Variants in VWA8 observed in about 807,000 individuals in gnomAD.
The protein encoded by VWA8 is von Willebrand factor A domain containing 8, also known as von Willebrand factor A domain-containing protein 8.
VWA8 carries 221 observed loss-of-function variants against 241.5 expected under a neutral mutation model. The observed-to-expected ratio is 0.91, with a 90% confidence interval of 0.82 to 1.02. The LOEUF (loss-of-function observed/expected upper bound fraction) is 1.02. Ranked by LOEUF, VWA8 falls within the 50% of genes least tolerant of loss-of-function variation. VWA8 has a pLI of 0.00. For missense variants in VWA8, 2,322 were observed against 2,328.7 expected (o/e 1.00, Z 0.06); for synonymous variants, 852 against 827.1 (o/e 1.03, Z -0.52).
At chr13:41,758,429 T>TATATATATATAC (rs1371695490) in intron 21 of VWA8, among the ~76,000 whole-genome samples, 1 of 101,490 alleles carries the variant, frequency 9.9e-6, no homozygotes, top group Admixed American at 1.1e-4. Flanking sequence ...TATATATATA[T>TATATATATATAC]ACGCTAGTAT....
intron 2 of VWA8, among the ~76,000 whole-genome samples, chr13:41,917,837 C>G (rs1405465459): frequency 6.6e-6 from 1 of 152,200 alleles, no homozygotes; most frequent in Non-Finnish European, 1.5e-5. Context: ...TTTCATCACC[C>G]CACAAAATAG....
chr13:41,822,488 T>C (rs566521811), intron 14 of VWA8, among the ~76,000 whole-genome samples: 6 of 152,302 alleles, frequency 3.9e-5, no homozygotes, highest in African/African-American at 1.4e-4. Context: ...CAGGGTCTAG[T>C]GTAATACTTG....
In VWA8 at chr13:41,611,621, A is replaced by G. The variant is rs774368910; in HGVS notation, c.4832T>C (p.Val1611Ala). 28 of 1,613,750 alleles carry G rather than the reference A, an allele frequency of 1.7e-5. No individual in the cohort carries two copies. The South Asian group carries it at 2.5e-4, about 15-fold the overall frequency. The change falls in exon 39 of 45, where the codon GTC becomes GCC. Residue 1611 changes from valine (V) to alanine (A), a missense_variant. Val to Ala is a moderately conservative substitution (Grantham distance 64, BLOSUM62 0). Coordinates refer to ENST00000379310, the MANE Select transcript of VWA8 (RefSeq NM_015058.2). ...GCCCATCTCTCTAGCAGCTCTCTTG[A>G]CCTCTTCGGGAACTGCATCTTTCTC... is the stretch of plus-strand genomic sequence containing the variant. ...QAEKDAVPEE[V>A]KRAAREMGQR...
intron 37 of VWA8, among the ~76,000 whole-genome samples, chr13:41,656,800 A>T (rs2044909316): frequency 6.6e-6 from 1 of 152,246 alleles, no homozygotes; most frequent in African/African-American, 2.4e-5. Flanking sequence ...AGGAAAGATC[A>T]TTAGCTATCA....
At chr13:41,778,123 A>AGTTCTAGATCCCTGAGGAATCGCC in intron 19 of VWA8, 67 bp from the exon 20 acceptor site, 2 of 1,151,816 alleles carry the variant, frequency 1.7e-6, no homozygotes, top group Non-Finnish European at 2.5e-6. Flanking sequence ...AGTTAACTAT[A>AGTTCTAGATCCCTGAGGAATCGCC]AAGATATCTT....
At chr13:41,810,088 A>G (rs984101052) in intron 17 of VWA8, among the ~76,000 whole-genome samples, 17 of 152,132 alleles carry the variant, frequency 1.1e-4, no homozygotes, top group Non-Finnish European at 2.4e-4. Flanking sequence ...TATCCAAAAG[A>G]TAGGCAATAA....
chr13:41,751,054 G>A (rs528937446), intron 21 of VWA8, among the ~76,000 whole-genome samples: 51 of 152,044 alleles, frequency 3.4e-4, no homozygotes, highest in Non-Finnish European at 6.6e-4. Context: ...ATCTCATAGA[G>A]CTGTAGTGAG....
At position 41,745,404 on chromosome 13, in the gene VWA8, C is replaced by G. The variant is rs781137870; in HGVS notation, c.2427-13249G>C. On this transcript the variant is annotated intron_variant, in intron 21 of 44. Coordinates refer to ENST00000379310, the MANE Select transcript of VWA8 (RefSeq NM_015058.2). The stretch of plus-strand genomic sequence containing the variant: ...AACATGTGGTGTTTGGTTTTCTGTC[C>G]TTGTGATACATTGCTCACGTACAGA... 8.6e-4 allele frequency among the ~76,000 whole-genome samples: 131 copies of G among 152,124 alleles called. 1 individual carries two copies. Among genetic ancestry groups the G allele is most frequent in the Non-Finnish European group, 1.6e-3 (106 of 67,996 alleles).
intron 43 of VWA8, among the ~76,000 whole-genome samples, chr13:41,573,209 A>G (rs936771334): frequency 6.6e-6 from 1 of 151,574 alleles, no homozygotes; most frequent in Non-Finnish European, 1.5e-5. Flanking sequence ...GGAGCTCAAG[A>G]CCAGCCTGGC....
intron 37 of VWA8, among the ~76,000 whole-genome samples, chr13:41,666,772 AT>A (rs1185912731): frequency 2.6e-5 from 4 of 152,310 alleles, no homozygotes; most frequent in African/African-American, 9.6e-5. Flanking sequence ...CAATAAAAAA[AT>A]AATTACAGGC....
intron 40 of VWA8, among the ~76,000 whole-genome samples, chr13:41,591,558 C>A (rs1402270473): frequency 6.6e-6 from 1 of 151,986 alleles, no homozygotes; most frequent in African/African-American, 2.4e-5. Context: ...ATTTTCGCAA[C>A]CTACTCATCT....
chr13:41,873,741 A>T (rs898558075), intron 9 of VWA8, among the ~76,000 whole-genome samples: 3 of 152,222 alleles, frequency 2.0e-5, no homozygotes, highest in Admixed American at 6.5e-5. Context: ...TCACAGCCAA[A>T]TTCTACCAGA....
chr13:41,630,254 T>A (rs902155554), intron 37 of VWA8, among the ~76,000 whole-genome samples: 1 of 150,842 alleles, frequency 6.6e-6, no homozygotes, highest in South Asian at 2.1e-4. Flanking sequence ...ATAGAAAGGG[T>A]TTCTTTCCTT....
chr13:41,812,501 C>G (rs530555767), intron 16 of VWA8, among the ~76,000 whole-genome samples: 2 of 152,124 alleles, frequency 1.3e-5, no homozygotes, highest in Non-Finnish European at 2.9e-5. Context: ...GAAAAGAGGA[C>G]TCTATGAAAT....
At chr13:41,743,815 T>A (rs1049149372) in intron 21 of VWA8, among the ~76,000 whole-genome samples, 3 of 152,204 alleles carry the variant, frequency 2.0e-5, no homozygotes, top group African/African-American at 4.8e-5. Context: ...TGTCATTCTG[T>A]TCATTGTTGT....
At chr13:41,657,451 C>T (rs979860218) in intron 37 of VWA8, among the ~76,000 whole-genome samples, 5 of 151,810 alleles carry the variant, frequency 3.3e-5, no homozygotes, top group African/African-American at 9.7e-5. Context: ...AATAATAAGT[C>T]CTCTCTTTAA....
chr13:41,838,020 T>TA (rs1871818818), intron 12 of VWA8, among the ~76,000 whole-genome samples: 1 of 152,198 alleles, frequency 6.6e-6, no homozygotes, highest in African/African-American at 2.4e-5. Flanking sequence ...ATGTATCTCT[T>TA]ACGATTCCAT....
rs767383104 is a variant in VWA8 at position 41,590,680 on chromosome 13, T to A, written c.5072A>T (p.Glu1691Val). The change falls in exon 41 of 45, where the codon GAA (glutamate) becomes GTA (valine). Residue 1691 changes from glutamate (E) to valine (V), a missense_variant. Glu to Val is a moderately radical substitution (Grantham distance 121). Transcript: ENST00000379310. ...ACCCCGACGTTTGTAGATGGCTTTT[T>A]CTCCAGTCAGCCCATCAATGATCTT... ...DAKIIDGLTG[E>V]KAIYKRRGEL... The A allele has an allele frequency of 1.2e-6, 2 of 1,614,096 alleles. No individual in the cohort carries two copies. Among genetic ancestry groups the A allele is most frequent in the Non-Finnish European group, 1.7e-6 (2 of 1,180,002 alleles).
intron 9 of VWA8, among the ~76,000 whole-genome samples, chr13:41,880,358 G>A (rs990257321): frequency 6.6e-6 from 1 of 151,890 alleles, no homozygotes; most frequent in Admixed American, 6.6e-5. Context: ...CAGATATGAT[G>A]CCCCTATACC....
Sources: allele counts gnomAD v4.1 joint callset (sites outside exome capture counted in the v4.1 genomes callset), GRCh38; gene constraint gnomAD v4.1.1; transcripts MANE v1.5; gene names NCBI Gene and HGNC (gene_info 2026-07-23, HGNC 2026-07-21).